ARX: variants seen among roughly 807,000 people sequenced by gnomAD.
The protein encoded by ARX is homeobox protein ARX.
ARX carries 1 observed loss-of-function variant against 23.1 expected under a neutral mutation model. The observed-to-expected ratio is 0.04, with a 90% CI of 0.02 to 0.21. ARX has a LOEUF of 0.21. Among genes scored for constraint, ARX ranks in the 10% least tolerant of loss-of-function variants. ARX has a pLI of 1.00. For missense variants in ARX, 380 were observed against 527.5 expected (o/e 0.72, Z 2.74); for synonymous variants, 301 against 270.1 (o/e 1.11, Z -1.12).
chrX:25,003,886 CG>C lies in ARX; in HGVS notation c.*783del, dbSNP rs776664351. ...ATAAATATTTGTCTAGGAACCCTAC[CG>C]TATCTACAACACAGTAAGAATCTAC... On this transcript the variant is annotated 3_prime_UTR_variant, in exon 5 of 5. Coordinates refer to ENST00000379044, the MANE Select transcript of ARX (RefSeq NM_139058.3). The C allele has an allele frequency of 4.5e-5, 5 of 110,942 alleles. No individual in the cohort carries two copies. The highest frequency in any genetic ancestry group is 1.9e-4 in the Admixed American group (2 of 10,517). 9.1% of individuals were successfully genotyped at this position (110,942 alleles called of 1,213,427 possible).
At chrX:25,008,473 G>A (rs1332861708) in intron 3 of ARX, among the ~76,000 whole-genome samples, 1 of 112,238 alleles carries the variant, frequency 8.9e-6, no homozygotes, top group Non-Finnish European at 1.9e-5. Context: ...ATAGAAAGCG[G>A]TTTTAATGGA....
chrX:25,013,434 G>GGGC lies in ARX; in HGVS notation c.558_560dup (p.Pro187dup), dbSNP rs1308129416. 5 of 937,253 alleles carry GGGC rather than the reference G, an allele frequency of 5.3e-6. No homozygotes were observed. The highest frequency in any genetic ancestry group is 2.6e-6 in the Non-Finnish European group (2 of 756,600). 77.2% of individuals were successfully genotyped at this position (937,253 alleles called of 1,213,427 possible). A position where few individuals can be genotyped will look rare whatever the true frequency, so the allele number is the denominator to read the frequency against. ...CCGGGCCGCCCAGCTCGTCCAGCGC[G>GGGC]GGCGGCGGCGGCACGAAGGGCGCCC... On this transcript the variant is annotated inframe_insertion, in exon 2 of 5. Coordinates refer to ENST00000379044, the MANE Select transcript of ARX (RefSeq NM_139058.3).
At chrX:25,010,333 G>T (rs373389966) in intron 2 of ARX, 28 bp from the exon 3 acceptor site, 28 of 1,205,620 alleles carry the variant, frequency 2.3e-5, no homozygotes, top group Non-Finnish European at 3.1e-5. Flanking sequence ...ACAGACAGGA[G>T]GTCACTGCAG....
At position 25,005,745 on chromosome X, in the gene ARX, G is replaced by T. The variant is rs1363763851; in HGVS notation, c.1449-835C>A. ...GCCCAAGCCTGGGACCCACGCCAGC[G>T]CCACCGCCTCCAAGCGGCGACCGAA... is the stretch of plus-strand genomic sequence containing the variant. On this transcript the variant is annotated intron_variant, in intron 4 of 4. Transcript: ENST00000379044. 2.7e-5 allele frequency among the ~76,000 whole-genome samples: 3 copies of T among 112,606 alleles called. No individual in the cohort carries two copies. The East Asian group carries it at 8.4e-4, about 32-fold the overall frequency.
In ARX at chrX:25,013,735, C is replaced by A; in HGVS notation, c.260G>T (p.Arg87Leu). 2.2e-6 allele frequency: 2 copies of A among 925,486 alleles called. No individual in the cohort carries two copies. Among genetic ancestry groups the A allele is most frequent in the Non-Finnish European group, 1.3e-6 (1 of 748,027 alleles). The allele number at this position is 925,486 out of a possible 1,213,427, so 76.3% of individuals were successfully genotyped here. ...GCGGCCCCCGCCCGGGCCGTACAGG[C>A]GCCGCAGCTTGGGCGGCAGGTGCAG... ...AELHLPPKLR[R>L]LYGPGGGRLL... The change falls in exon 2 of 5, where the codon CGC (arginine) becomes CTC (leucine). Residue 87 changes from arginine (R) to leucine (L), a missense_variant. Around this residue, in one of 3 missense-constraint regions of ARX, gnomAD observed 235 missense variants for 270.2 expected, o/e 0.87. Transcript: ENST00000379044.
At position 25,014,388 on chromosome X, in the gene ARX, C is replaced by T. The variant is rs780261003; in HGVS notation, c.197-590G>A. ...GAAAACTTTGCGCATGACCTCTGCC[C>T]GCTGCTCCACCATGAGGGCAAGGGT... On this transcript the variant is annotated intron_variant, in intron 1 of 4. Coordinates refer to ENST00000379044, the MANE Select transcript of ARX (RefSeq NM_139058.3). Among the ~76,000 whole-genome samples, 27 of 112,894 alleles carry T rather than the reference C, an allele frequency of 2.4e-4. No individual in the cohort carries two copies. In the East Asian group the frequency reaches 5.6e-3, roughly 23 times the overall value.
rs1350342555 is a variant in ARX, at chrX:25,004,141, C to G, written c.*529G>C. On this transcript the variant is annotated 3_prime_UTR_variant, in exon 5 of 5. Coordinates refer to ENST00000379044, the MANE Select transcript of ARX (RefSeq NM_139058.3). ...GATAAAGAAGAGAACAAGAACAAGA[C>G]GCCCCTTTCCTTTAAGTGCACTGTT... The G allele has an allele frequency of 8.6e-6, 1 of 115,780 alleles. No individual in the cohort carries two copies. The highest frequency in any genetic ancestry group is 1.8e-5 in the Non-Finnish European group (1 of 56,820). The allele number at this position is 115,780 out of a possible 1,213,427, so 9.5% of individuals were successfully genotyped here.
Position 25,004,583 on chromosome X carries a change from G to A in ARX, c.*87C>T. On this transcript the variant is annotated 3_prime_UTR_variant, in exon 5 of 5. Transcript: ENST00000379044. ...CTCAGTGCCGTCTCGGGAGTGTGCT[G>A]GTCCTCTGTTTCCATTTGGTCTTGA... 2.6e-6 allele frequency: 3 copies of A among 1,145,524 alleles called. No homozygotes were observed. The East Asian group carries it at 9.8e-5, about 37-fold the overall frequency. 94.4% of individuals were successfully genotyped at this position (1,145,524 alleles called of 1,213,427 possible).
intron 1 of ARX, 90 bp downstream of exon 1, chrX:25,015,452 T>C (rs2048722629): frequency 1.8e-6 from 2 of 1,083,128 alleles, no homozygotes; most frequent in African/African-American, 1.8e-5. Flanking sequence ...CCTCTCCAAA[T>C]TGACAATTCC....
chrX:25,005,969 C>T, intron 4 of ARX: 1 of 111,653 alleles, frequency 9.0e-6, no homozygotes, highest in Non-Finnish European at 1.9e-5. Flanking sequence ...AATGAGCCCA[C>T]CTGGGCTCAC....
chrX:25,012,877 C>T, intron 2 of ARX, 45 bp downstream of exon 2: 1 of 1,184,060 alleles, frequency 8.4e-7, no homozygotes, highest in South Asian at 1.9e-5. Flanking sequence ...CTGGGGCCCG[C>T]GTGCGCTCTC....
chrX:25,015,574 G>A lies in ARX; in HGVS notation c.164C>T (p.Thr55Ile). 8.3e-7 allele frequency: 1 copy of A among 1,211,068 alleles called. No homozygotes were observed. Among genetic ancestry groups the A allele is most frequent in the South Asian group, 1.8e-5 (1 of 56,603 alleles). ...GAAQSLPAPL[T>I]SRADPEKAVQ... ...GGCCTTTTCCGGGTCGGCGCGGCTG[G>A]TCAGCGGAGCAGGCAAGCTCTGCGC... The change falls in exon 1 of 5, where the codon ACC becomes ATC. Residue 55 changes from threonine to isoleucine, a missense_variant. This residue lies in a region of ARX where 235 missense variants were observed against 270.2 expected (regional missense o/e 0.87). Coordinates refer to ENST00000379044, the MANE Select transcript of ARX (RefSeq NM_139058.3).
At chrX:25,009,804 G>T (rs776770420) in intron 3 of ARX, among the ~76,000 whole-genome samples, 1 of 112,073 alleles carries the variant, frequency 8.9e-6, no homozygotes, top group Non-Finnish European at 1.9e-5. Context: ...GGCCCTGTTT[G>T]TTCTAGCACT....
At position 25,015,639 on chromosome X, in the gene ARX, C is replaced by T. The variant is rs756804509; in HGVS notation, c.99G>A (p.Leu33=). 6.6e-6 allele frequency: 8 copies of T among 1,209,962 alleles called. No individual in the cohort carries two copies. In the Admixed American group the frequency reaches 1.7e-4, roughly 26 times the overall value. The change falls in exon 1 of 5, where the codon CTG becomes CTA. Residue 33 remains leucine (L), a synonymous_variant. Transcript: ENST00000379044. ...LLSSYCIDSI[L]GRRSPCKMRL... ...GCATTTTGCACGGGCTCCTCCGGCC[C>T]AGGATGCTGTCGATGCAGTAGGAGG...
rs191583916 is a variant in ARX, at chrX:25,003,872, T to C, written c.*798A>G. On this transcript the variant is annotated 3_prime_UTR_variant, in exon 5 of 5. Transcript: ENST00000379044. ...AAGGGCTTGAGTACATAAATATTTG[T>C]CTAGGAACCCTACCGTATCTACAAC... is the stretch of plus-strand genomic sequence containing the variant. The C allele has an allele frequency of 1.8e-5, 2 of 111,351 alleles. No homozygotes were observed. The highest frequency in any genetic ancestry group is 6.5e-5 in the African/African-American group (2 of 30,584). 9.2% of individuals were successfully genotyped at this position (111,351 alleles called of 1,213,427 possible). A position where few individuals can be genotyped will look rare whatever the true frequency, so the allele number is the denominator to read the frequency against.
rs1359275622 is a variant in ARX at position 25,013,122 on chromosome X, G to A, written c.873C>T (p.Pro291=). The change falls in exon 2 of 5, where the codon CCC becomes CCT. Residue 291 remains proline, a synonymous_variant. Coordinates refer to ENST00000379044, the MANE Select transcript of ARX (RefSeq NM_139058.3). ...AVATEGGELS[P]KEELLLHPED... Reference sequence around the variant, plus strand: ...CCGGGTGCAGCAGCAGCTCCTCCTTGGGTGACAGCTCCCCGCCCTCTGTGG... The same window carrying A: ...CCGGGTGCAGCAGCAGCTCCTCCTTAGGTGACAGCTCCCCGCCCTCTGTGG... 2 of 1,202,665 alleles carry A rather than the reference G, an allele frequency of 1.7e-6. No homozygotes were observed. The highest frequency in any genetic ancestry group is 3.0e-5 in the East Asian group (1 of 33,533).
At chrX:25,007,084 A>T in intron 4 of ARX, 27 bp downstream of exon 4, 1 of 1,177,320 alleles carries the variant, frequency 8.5e-7, no homozygotes. Flanking sequence ...ACAGACAGAC[A>T]GACAGACTTC....
chrX:25,003,807 T>G lies in ARX; in HGVS notation c.*863A>C, dbSNP rs1287032447. On this transcript the variant is annotated 3_prime_UTR_variant, in exon 5 of 5. Coordinates refer to ENST00000379044, the MANE Select transcript of ARX (RefSeq NM_139058.3). ...AAAGTACTGTACCATTGCCTTTATC[T>G]TGAAGGTTTCGGAAGCCTCTACAGT... 8.9e-6 allele frequency: 1 copy of G among 111,951 alleles called. No individual in the cohort carries two copies. Among genetic ancestry groups the G allele is most frequent in the Non-Finnish European group, 1.9e-5 (1 of 53,206 alleles). The allele number at this position is 111,951 out of a possible 1,213,427, so 9.2% of individuals were successfully genotyped here.
At chrX:25,005,043 G>A (rs929816589) in intron 4 of ARX, 133 bp from the exon 5 acceptor site, 7 of 923,610 alleles carry the variant, frequency 7.6e-6, no homozygotes, top group African/African-American at 6.3e-5. Flanking sequence ...GCCGCGGCGG[G>A]GAAGTGGGCA....
Sources: allele counts gnomAD v4.1 joint callset (sites outside exome capture counted in the v4.1 genomes callset), GRCh38; gene constraint gnomAD v4.1.1; regional missense constraint gnomAD v4.1.1; transcripts MANE v1.5; gene names NCBI Gene and HGNC (gene_info 2026-07-23, HGNC 2026-07-21).